Variants in RAPGEF5 observed in about 807,000 individuals in gnomAD.
RAPGEF5 encodes M-Ras-regulated GEF.
A neutral mutation model predicts 125.2 loss-of-function variants in RAPGEF5; 65 were observed. The observed-to-expected ratio is 0.52, with a 90% CI of 0.43 to 0.64. The LOEUF (loss-of-function observed/expected upper bound fraction) is 0.64. Among genes scored for constraint, RAPGEF5 ranks in the 30% least tolerant of loss-of-function variants. The probability of loss-of-function intolerance (pLI) is 0.00; values close to 1 mark genes in which losing one functional copy is unlikely to be tolerated. For synonymous variants in RAPGEF5, 391 were observed against 385.9 expected, an observed-to-expected ratio of 1.01 and a Z score of -0.16; for missense variants, 958 against 1,048.1, an observed-to-expected ratio of 0.91 and a Z score of 1.19.
At chr7:22,181,009 T>C (rs1442502325) in intron 11 of RAPGEF5, among the ~76,000 whole-genome samples, 2 of 152,214 alleles carry the variant, frequency 1.3e-5, no homozygotes, top group Non-Finnish European at 1.5e-5. Flanking sequence ...AAGCCATCAG[T>C]AAATGAAAAT....
intron 18 of RAPGEF5, among the ~76,000 whole-genome samples, 162 bp downstream of exon 18, chr7:22,150,245 C>A (rs1222581476): frequency 1.3e-5 from 2 of 151,806 alleles, no homozygotes; most frequent in Admixed American, 6.6e-5. Flanking sequence ...CCAGTTAATT[C>A]TTAAGTTTTT....
chr7:22,290,265 A>C (rs1782898570), intron 6 of RAPGEF5, among the ~76,000 whole-genome samples: 1 of 152,160 alleles, frequency 6.6e-6, no homozygotes, highest in African/African-American at 2.4e-5. Flanking sequence ...GAACTAAATA[A>C]TTTTTGGGGA....
chr7:22,130,716 C>G (rs1023654480), intron 24 of RAPGEF5, among the ~76,000 whole-genome samples: 1 of 152,190 alleles, frequency 6.6e-6, no homozygotes, highest in Non-Finnish European at 1.5e-5. Flanking sequence ...CTCCTGACAG[C>G]AGCCTTACAG....
At chr7:22,162,852 T>G in intron 12 of RAPGEF5, 1 of 483,434 alleles carries the variant, frequency 2.1e-6, no homozygotes, top group Non-Finnish European at 4.0e-6. Context: ...GGTCCATTAA[T>G]TTCAACAGTG....
At chr7:22,201,992 G>A (rs1562759020) in intron 9 of RAPGEF5, among the ~76,000 whole-genome samples, 1 of 152,174 alleles carries the variant, frequency 6.6e-6, no homozygotes, top group Non-Finnish European at 1.5e-5. Flanking sequence ...TGGATAAGTG[G>A]ACAGACACTG....
chr7:22,132,832 A>G (rs1157564584), intron 23 of RAPGEF5, among the ~76,000 whole-genome samples: 1 of 152,190 alleles, frequency 6.6e-6, no homozygotes, highest in African/African-American at 2.4e-5. Flanking sequence ...GCATTAACTC[A>G]TAAGGTAAAT....
intron 8 of RAPGEF5, among the ~76,000 whole-genome samples, chr7:22,220,420 C>T (rs1785757706): frequency 6.6e-6 from 1 of 152,094 alleles, no homozygotes; most frequent in African/African-American, 2.4e-5. Context: ...TATGCAACAC[C>T]CCAATTCTTT....
intron 6 of RAPGEF5, among the ~76,000 whole-genome samples, chr7:22,268,010 A>C (rs190059004): frequency 1.3e-5 from 2 of 152,290 alleles, no homozygotes; most frequent in African/African-American, 4.8e-5. Flanking sequence ...AAGTGTAGCA[A>C]TATGCTAGAC....
intron 6 of RAPGEF5, among the ~76,000 whole-genome samples, chr7:22,278,450 G>C (rs1404778071): frequency 1.5e-4 from 22 of 151,698 alleles, no homozygotes; most frequent in Admixed American, 1.4e-3. Context: ...GGTTTTTGTT[G>C]GGTAATTTAT....
At chr7:22,145,284 C>T (rs1352445606) in intron 19 of RAPGEF5, 62 bp from the exon 20 acceptor site, 45 of 1,482,526 alleles carry the variant, frequency 3.0e-5, no homozygotes, top group East Asian at 1.5e-4. Flanking sequence ...ATACAAAACT[C>T]GGTCAAATTT....
intron 1 of RAPGEF5, among the ~76,000 whole-genome samples, chr7:22,349,422 C>CAAAAAA (rs34428356): frequency 4.0e-5 from 3 of 74,992 alleles, no homozygotes; most frequent in Non-Finnish European, 5.2e-5. Context: ...AGACTCCATC[C>CAAAAAA]AAAAAAAAAA....
At chr7:22,290,886 T>C (rs941469373) in intron 6 of RAPGEF5, among the ~76,000 whole-genome samples, 21 of 152,152 alleles carry the variant, frequency 1.4e-4, no homozygotes, top group African/African-American at 4.8e-4. Context: ...AGGTCACAAC[T>C]TTCCTAGGTT....
At chr7:22,209,293 G>A (rs1785459234) in intron 9 of RAPGEF5, among the ~76,000 whole-genome samples, 1 of 152,178 alleles carries the variant, frequency 6.6e-6, no homozygotes, top group African/African-American at 2.4e-5. Flanking sequence ...TTAAGGAATA[G>A]GCAGAAGTCT....
chr7:22,258,155 A>G (rs1178625618), intron 7 of RAPGEF5, among the ~76,000 whole-genome samples: 1 of 152,344 alleles, frequency 6.6e-6, no homozygotes, highest in East Asian at 1.9e-4. Context: ...TAGAAGAGAT[A>G]ATAGATGTAG....
intron 11 of RAPGEF5, among the ~76,000 whole-genome samples, chr7:22,188,960 G>A (rs1235050223): frequency 6.6e-6 from 1 of 150,448 alleles, no homozygotes; most frequent in Non-Finnish European, 1.5e-5. Flanking sequence ...CCCCAACACT[G>A]AGGTATCTCT....
chr7:22,129,322 C>T (rs921480261), intron 24 of RAPGEF5, among the ~76,000 whole-genome samples: 5 of 152,154 alleles, frequency 3.3e-5, no homozygotes, highest in African/African-American at 9.7e-5. Context: ...CTCCCACGGC[C>T]CCTTGGACTA....
intron 1 of RAPGEF5, among the ~76,000 whole-genome samples, chr7:22,338,934 G>A (rs1396114073): frequency 6.6e-6 from 1 of 152,182 alleles, no homozygotes; most frequent in Non-Finnish European, 1.5e-5. Context: ...ATTGATCAGA[G>A]CCAGCACCAG....
chr7:22,247,431 G>T (rs901971985), intron 7 of RAPGEF5, among the ~76,000 whole-genome samples: 1 of 152,144 alleles, frequency 6.6e-6, no homozygotes, highest in African/African-American at 2.4e-5. Context: ...ATGGAGGTGG[G>T]TTTTTCATGT....
At chr7:22,267,075 T>C in intron 6 of RAPGEF5, 63 bp from the exon 7 acceptor site, 1 of 1,471,308 alleles carries the variant, frequency 6.8e-7, no homozygotes, top group Non-Finnish European at 9.4e-7. Context: ...TCAAAAGCAG[T>C]ACTTTGTTCT....
Sources: allele counts gnomAD v4.1 joint callset (sites outside exome capture counted in the v4.1 genomes callset), GRCh38; gene constraint gnomAD v4.1.1; transcripts MANE v1.5; gene names NCBI Gene and HGNC (gene_info 2026-07-23, HGNC 2026-07-21).